Variants in PLD5 observed in about 807,000 individuals in gnomAD.
The protein encoded by PLD5 is phospholipase D family member 5.
A neutral mutation model predicts 61.1 loss-of-function variants in PLD5; 36 were observed. That is an observed-to-expected ratio of 0.59 (90% CI 0.45 to 0.78). PLD5 has a LOEUF of 0.78. PLD5 is among the 30% of genes least tolerant of loss of function. The pLI is 0.00. For synonymous variants in PLD5, 243 were observed against 242.8 expected, an observed-to-expected ratio of 1.00 and a Z score of -0.01; for missense variants, 515 against 644.4, an observed-to-expected ratio of 0.80 and a Z score of 2.17.
At chr1:242,525,141 G>A (rs1226453795), upstream of PLD5, among the ~76,000 whole-genome samples, 1 of 152,104 alleles carries the variant, frequency 6.6e-6, no homozygotes, top group African/African-American at 2.4e-5. Context: ...AGCAGAGGGT[G>A]CCCAGCATTC....
In PLD5 at chr1:242,382,254, A is replaced by G. The variant is rs1456516229; in HGVS notation, c.190-34012T>C. 2.0e-5 allele frequency among the ~76,000 whole-genome samples: 3 copies of G among 152,152 alleles called. No homozygotes were observed. In the East Asian group the frequency reaches 5.8e-4, roughly 29 times the overall value. ...TAATATCCAATGGGCCATGCCAAGTAAGTAGGTGAAGATTGACATCATTGG... is the reference window on the plus strand; with the variant it reads ...TAATATCCAATGGGCCATGCCAAGTGAGTAGGTGAAGATTGACATCATTGG... On this transcript the variant is annotated intron_variant, in intron 1 of 9. Coordinates refer to ENST00000536534, the MANE Select transcript of PLD5 (RefSeq NM_001372062.1).
intron 2 of PLD5, among the ~76,000 whole-genome samples, chr1:242,342,851 T>C (rs978160454): frequency 6.6e-6 from 1 of 152,200 alleles, no homozygotes; most frequent in Non-Finnish European, 1.5e-5. Context: ...GAGCCTTTGA[T>C]ATTTTGTAGA....
chr1:242,285,390 C>G (rs900336436), intron 3 of PLD5, among the ~76,000 whole-genome samples: 2 of 152,124 alleles, frequency 1.3e-5, no homozygotes, highest in Non-Finnish European at 2.9e-5. Context: ...CCCAGCTACT[C>G]AGGAGGCTGT....
rs76599666 is a variant in PLD5, at chr1:242,100,963, A to G, written c.1240-181T>C. On this transcript the variant is annotated intron_variant, in intron 8 of 9. Transcript: ENST00000536534. ...TTGTTCTCAAATCTAAATAGGCAAC[A>G]AGAGAAAATTAGCGTGCTCAACTAG... 8.5e-5 allele frequency among the ~76,000 whole-genome samples: 13 copies of G among 152,360 alleles called. No homozygotes were observed. In the South Asian group the frequency reaches 1.4e-3, roughly 17 times the overall value.
chr1:242,411,088 G>A (rs1314618845), intron 1 of PLD5, among the ~76,000 whole-genome samples: 1 of 152,106 alleles, frequency 6.6e-6, no homozygotes, highest in East Asian at 1.9e-4. Context: ...AATAAATCAC[G>A]ATTAACAGAA....
At chr1:242,132,250 A>G (rs1213273687) in intron 5 of PLD5, among the ~76,000 whole-genome samples, 1 of 136,174 alleles carries the variant, frequency 7.3e-6, no homozygotes, top group African/African-American at 2.8e-5. Context: ...GCATAAAGAG[A>G]GACAGAGTTT....
intron 1 of PLD5, among the ~76,000 whole-genome samples, chr1:242,429,199 C>T (rs1043366685): frequency 1.1e-4 from 17 of 152,270 alleles, no homozygotes; most frequent in Admixed American, 8.5e-4. Flanking sequence ...CCCTCAAAGC[C>T]AAACAGAATT....
intron 1 of PLD5, among the ~76,000 whole-genome samples, chr1:242,370,830 G>A (rs1401652036): frequency 6.6e-6 from 1 of 152,104 alleles, no homozygotes; most frequent in African/African-American, 2.4e-5. Context: ...CTTTGATAAG[G>A]TGAGGGCTAT....
intron 4 of PLD5, among the ~76,000 whole-genome samples, chr1:242,223,775 A>G (rs1670753939): frequency 1.3e-5 from 2 of 152,082 alleles, no homozygotes; most frequent in South Asian, 4.2e-4. Context: ...CTGTTTTTCT[A>G]TCTAAATATT....
chr1:242,333,801 C>T (rs1450807954), intron 2 of PLD5, among the ~76,000 whole-genome samples: 1 of 152,108 alleles, frequency 6.6e-6, no homozygotes, highest in Non-Finnish European at 1.5e-5. Flanking sequence ...CCAGTTCCAT[C>T]CATGTTGCAG....
intron 5 of PLD5, among the ~76,000 whole-genome samples, chr1:242,124,987 G>A (rs1040133869): frequency 1.3e-5 from 2 of 151,746 alleles, no homozygotes; most frequent in African/African-American, 4.8e-5. Flanking sequence ...ATTCAATCAG[G>A]TGGCAAGAAA....
At chr1:242,278,889 G>A (rs1674558980) in intron 3 of PLD5, among the ~76,000 whole-genome samples, 1 of 152,188 alleles carries the variant, frequency 6.6e-6, no homozygotes, top group Admixed American at 6.5e-5. Context: ...GTGGAGCAGG[G>A]AATAGATGTT....
At chr1:242,377,058 G>C (rs1166531618) in intron 1 of PLD5, 1 of 1,611,630 alleles carries the variant, frequency 6.2e-7, no homozygotes, top group African/African-American at 1.3e-5. Context: ...GGTGCCATCA[G>C]GGGAGTCATC....
intron 1 of PLD5, among the ~76,000 whole-genome samples, chr1:242,426,795 T>G (rs1665452308): frequency 6.6e-6 from 1 of 152,242 alleles, no homozygotes; most frequent in Admixed American, 6.5e-5. Context: ...AATCTATTTC[T>G]TTTTCTTGGG....
intron 9 of PLD5, among the ~76,000 whole-genome samples, chr1:242,096,587 C>T (rs1164170327): frequency 6.6e-6 from 1 of 152,020 alleles, no homozygotes; most frequent in Non-Finnish European, 1.5e-5. Flanking sequence ...GGTGATCCAC[C>T]TGCCTCAACC....
chr1:242,302,726 T>A (rs569920625), intron 2 of PLD5, among the ~76,000 whole-genome samples: 184 of 152,294 alleles, frequency 1.2e-3, no homozygotes, highest in Middle Eastern at 3.4e-3. Context: ...CTGTAAAAAA[T>A]TTTTTTAAAT....
chr1:242,123,685 G>GT (rs568830260), intron 6 of PLD5, among the ~76,000 whole-genome samples: 12 of 152,222 alleles, frequency 7.9e-5, no homozygotes, highest in South Asian at 4.2e-4. Flanking sequence ...AAAATCAATT[G>GT]TTTTTTTTCT....
chr1:242,488,681 A>G (rs1668042317), intron 1 of PLD5, among the ~76,000 whole-genome samples: 1 of 152,212 alleles, frequency 6.6e-6, no homozygotes, highest in African/African-American at 2.4e-5. Flanking sequence ...ATATTTGCCA[A>G]AACCCATGAA....
chr1:242,468,169 T>C (rs754585210), intron 1 of PLD5, among the ~76,000 whole-genome samples: 6 of 152,134 alleles, frequency 3.9e-5, no homozygotes, highest in Non-Finnish European at 7.4e-5. Flanking sequence ...CATCCCCAAA[T>C]GGTAGTTTTC....
Sources: allele counts gnomAD v4.1 joint callset (sites outside exome capture counted in the v4.1 genomes callset), GRCh38; gene constraint gnomAD v4.1.1; transcripts MANE v1.5; gene names NCBI Gene and HGNC (gene_info 2026-07-23, HGNC 2026-07-21).